The following DHX36 variants were observed in gnomAD, a reference collection of about 807,000 sequenced individuals.
DHX36 encodes DEAH-box helicase 36, also known as ATP-dependent DNA/RNA helicase DHX36.
Under a neutral mutation model 139.0 loss-of-function variants are expected in DHX36, and 50 were observed. The ratio of observed to expected loss-of-function variants is 0.36; its 90% confidence interval spans 0.29 to 0.46. The LOEUF (loss-of-function observed/expected upper bound fraction) is 0.46, where lower values mean the gene tolerates loss of function less well. Ranked by LOEUF, DHX36 falls within the 20% of genes least tolerant of loss-of-function variation. The pLI is 1.00. For missense variants in DHX36, 1,024 were observed against 1,211.3 expected (o/e 0.85, Z 2.29); for synonymous variants, 425 against 401.9 (o/e 1.06, Z -0.69).
chr3:154,301,211 T>A (rs1481149221), intron 9 of DHX36, 84 bp from the exon 10 acceptor site: 14 of 1,341,162 alleles, frequency 1.0e-5, no homozygotes, highest in Admixed American at 8.3e-5. Flanking sequence ...TATTTAGGAT[T>A]TTCAAAAAGG....
At chr3:154,304,575 A>T (rs1030317160) in intron 8 of DHX36, among the ~76,000 whole-genome samples, 4 of 152,194 alleles carry the variant, frequency 2.6e-5, no homozygotes, top group African/African-American at 9.7e-5. Context: ...ATGCCATCTT[A>T]ATTGTGTGGT....
At chr3:154,291,825 T>C (rs1380315220) in intron 15 of DHX36, among the ~76,000 whole-genome samples, 1 of 152,230 alleles carries the variant, frequency 6.6e-6, no homozygotes, top group Non-Finnish European at 1.5e-5. Context: ...TTATCACTCA[T>C]ATGAATAAGT....
At chr3:154,310,012 A>C (rs941143478) in intron 4 of DHX36, among the ~76,000 whole-genome samples, 189 bp from the exon 5 acceptor site, 4 of 152,220 alleles carry the variant, frequency 2.6e-5, no homozygotes, top group African/African-American at 9.6e-5. Flanking sequence ...AAGTGCACCA[A>C]ATTATAAAGA....
Position 154,289,750 on chromosome 3 carries a change from T to C in DHX36, c.1891A>G (p.Ile631Val). ...AGTTCTTCCAAAGGAGTTCTCAAAA[T>C]TTCTGGCAGTTGATAGTCATCTAGA... The part of the protein sequence containing the change: ...SLLDDYQLPE[I>V]LRTPLEELCL... Residue 631 changes from isoleucine (I) to valine (V), a missense_variant, in exon 16 of 25, where the codon ATT becomes GTT. Physicochemically the swap from Ile to Val is conservative, Grantham distance 29. Transcript: ENST00000496811. 6.2e-7 allele frequency: 1 copy of C among 1,613,362 alleles called. No homozygotes were observed.
chr3:154,321,394 G>A (rs561421957), intron 1 of DHX36, among the ~76,000 whole-genome samples: 5 of 152,056 alleles, frequency 3.3e-5, no homozygotes, highest in African/African-American at 9.7e-5. Flanking sequence ...ACACACACAC[G>A]TACATTCACT....
chr3:154,297,120 G>C (rs1274078720), intron 12 of DHX36, among the ~76,000 whole-genome samples: 1 of 152,174 alleles, frequency 6.6e-6, no homozygotes. Flanking sequence ...GGAAAAGCAG[G>C]GAGTGGAGGG....
Position 154,284,905 on chromosome 3 carries a change from A to G in DHX36, c.2114T>C (p.Met705Thr). 6.2e-7 allele frequency: 1 copy of G among 1,614,052 alleles called. No individual in the cohort carries two copies. ...GCAGAACAGTGCTCCAAAAAGAATC[A>G]TTTTTCCAATATGTGGCTCAACGGG... ...RLPVEPHIGK[M>T]ILFGALFCCL... Residue 705 changes from methionine to threonine, a missense_variant, in exon 18 of 25, where the codon ATG (methionine) becomes ACG (threonine). Around this residue, in one of 4 missense-constraint regions of DHX36, gnomAD observed 470 missense variants for 616.2 expected, o/e 0.76. Transcript: ENST00000496811.
chr3:154,313,142 G>A (rs1018988681), intron 3 of DHX36, among the ~76,000 whole-genome samples: 59 of 151,448 alleles, frequency 3.9e-4, no homozygotes, highest in Non-Finnish European at 8.7e-4. Context: ...TAACACCCCA[G>A]GTAGTCAAAT....
intron 9 of DHX36, 83 bp downstream of exon 9, chr3:154,303,246 G>A (rs1251034850): frequency 1.9e-5 from 18 of 942,280 alleles, no homozygotes; most frequent in Non-Finnish European, 2.7e-5. Context: ...AGTCAATGAT[G>A]GGTTTCTGAG....
chr3:154,281,994 G>A (rs546912793), intron 20 of DHX36, among the ~76,000 whole-genome samples: 41 of 152,134 alleles, frequency 2.7e-4, no homozygotes, highest in African/African-American at 9.1e-4. Flanking sequence ...AAGAGCTCAG[G>A]GGTACAGTAT....
chr3:154,279,559 T>C (rs1330417300), intron 22 of DHX36: 1 of 152,190 alleles, frequency 6.6e-6, no homozygotes, highest in African/African-American at 2.4e-5. Context: ...TTAAAATTCA[T>C]CAGCTACCCA....
intron 13 of DHX36, among the ~76,000 whole-genome samples, chr3:154,294,904 G>A (rs1711979999): frequency 6.6e-6 from 1 of 152,154 alleles, no homozygotes; most frequent in Non-Finnish European, 1.5e-5. Context: ...CTAGCTTTGT[G>A]AAATTAAATC....
chr3:154,299,819 A>C lies in DHX36; in HGVS notation c.1549+19T>G. 6.5e-7 allele frequency: 1 copy of C among 1,543,684 alleles called. No individual in the cohort carries two copies. The highest frequency in any genetic ancestry group is 1.1e-5 in the South Asian group (1 of 89,508). ...AAATACCACTCTTTGAATTACAGTA[A>C]AATACATTTACATAGTACCTGATTT... On this transcript the variant is annotated intron_variant, in intron 12 of 24. Coordinates refer to ENST00000496811, the MANE Select transcript of DHX36 (RefSeq NM_020865.3).
At chr3:154,309,571 C>G (rs1352455517) in intron 5 of DHX36, 82 bp downstream of exon 5, 2 of 1,206,166 alleles carry the variant, frequency 1.7e-6, no homozygotes, top group Non-Finnish European at 1.1e-6. Context: ...AATTAAGAAT[C>G]ACTCCACACC....
At chr3:154,299,988 TTG>T in intron 11 of DHX36, 63 bp from the exon 12 acceptor site, 1 of 1,102,372 alleles carries the variant, frequency 9.1e-7, no homozygotes, top group Non-Finnish European at 1.4e-6. Flanking sequence ...AACAGTAAAA[TTG>T]TGTGCACACT....
rs371025863 is a variant in DHX36, at chr3:154,309,611, C to T, written c.813+42G>A. ...GAATCAGTAGGTTCTAGCAAGATTA[C>T]TTTTAAAAAGACAATTTTTAATAAG... On this transcript the variant is annotated intron_variant, in intron 5 of 24. Coordinates refer to ENST00000496811, the MANE Select transcript of DHX36 (RefSeq NM_020865.3). 80 of 1,533,942 alleles carry T rather than the reference C, an allele frequency of 5.2e-5. No homozygotes were observed. The African/African-American group carries it at 9.9e-4, about 19-fold the overall frequency.
chr3:154,292,453 G>C, intron 15 of DHX36, 98 bp downstream of exon 15: 3 of 1,479,634 alleles, frequency 2.0e-6, no homozygotes, highest in Non-Finnish European at 2.8e-6. Flanking sequence ...AATAAGAAAG[G>C]TAACTCTTTT....
Position 154,295,292 on chromosome 3 carries a change from GGTTAACT to G in DHX36, c.1590_1596del (p.Val531ArgfsTer15), listed in dbSNP as rs2108346948. On this transcript the variant is annotated frameshift_variant, in exon 13 of 25. Coordinates refer to ENST00000496811, the MANE Select transcript of DHX36 (RefSeq NM_020865.3). LOFTEE classifies it high-confidence loss of function. ...GTATCCATTTAACATACCTGTGTCT[GGTTAACT>G]GTAGGCATCAGTGAATGTAAAGGTA... is the stretch of plus-strand genomic sequence containing the variant. 6.5e-7 allele frequency: 1 copy of G among 1,542,984 alleles called. No individual in the cohort carries two copies. The highest frequency in any genetic ancestry group is 8.8e-7 in the Non-Finnish European group (1 of 1,134,964).
In DHX36 at chr3:154,315,262, A is replaced by G; in HGVS notation, c.387T>C (p.Ser129=). The G allele has an allele frequency of 6.2e-7, 1 of 1,612,190 alleles. No individual in the cohort carries two copies. The highest frequency in any genetic ancestry group is 1.1e-5 in the South Asian group (1 of 90,642). The change falls in exon 3 of 25, where the codon TCT becomes TCC. Residue 129 remains serine, a synonymous_variant. Coordinates refer to ENST00000496811, the MANE Select transcript of DHX36 (RefSeq NM_020865.3). ...TCTCTGAGCATGGTGTGTTCTTAGTAGAAACTTCAGTACCGTATCTGTTTT... is the reference window on the plus strand; with the variant it reads ...TCTCTGAGCATGGTGTGTTCTTAGTGGAAACTTCAGTACCGTATCTGTTTT... ...PEDHGYGTEV[S]TKNTPCSENK...
Sources: gnomAD v4.1 joint callset for allele counts (sites outside exome capture counted in the v4.1 genomes callset) on GRCh38, gnomAD v4.1.1 for gene constraint, gnomAD v4.1.1 regional missense constraint, MANE v1.5 for transcripts, NCBI Gene and HGNC (gene_info 2026-07-23, HGNC 2026-07-21) for gene names.